The following TSPAN9 variants were observed in gnomAD, a reference collection of about 807,000 sequenced individuals.
TSPAN9 encodes tetraspanin 9, also known as tetraspanin-9.
In TSPAN9, 16 loss-of-function variants were observed where a neutral mutation model predicts 31.0. The observed-to-expected ratio is 0.52, with a 90% confidence interval of 0.35 to 0.78. The LOEUF is 0.78. TSPAN9 is among the 30% of genes least tolerant of loss of function. TSPAN9 has a pLI of 0.01. For synonymous variants in TSPAN9, 145 were observed against 121.6 expected (o/e 1.19, Z -1.27); for missense variants, 272 against 312.5 (o/e 0.87, Z 0.98).
intron 2 of TSPAN9, among the ~76,000 whole-genome samples, chr12:3,086,054 A>G (rs1219839133): frequency 6.6e-6 from 1 of 152,204 alleles, no homozygotes; most frequent in Non-Finnish European, 1.5e-5. Context: ...GGCAGTGAGG[A>G]GTAAGCCTCC....
chr12:3,280,690 G>C lies in TSPAN9; in HGVS notation c.432+207G>C, dbSNP rs1462386585. ...CAGCCAGGGAGGGATGAGGATACAG[G>C]AGGGGCAGGCCTGAGAGAGCTGTGG... On this transcript the variant is annotated intron_variant, in intron 6 of 8. Transcript: ENST00000011898. The surrounding 1 kb of genome is among the most constrained non-coding windows in gnomAD (Gnocchi z 4.5). Among the ~76,000 whole-genome samples, 2 of 152,216 alleles carry C rather than the reference G, an allele frequency of 1.3e-5. No individual in the cohort carries two copies. Among genetic ancestry groups the C allele is most frequent in the Admixed American group, 6.5e-5 (1 of 15,284 alleles).
At chr12:3,216,033 C>G (rs1315280361) in intron 3 of TSPAN9, among the ~76,000 whole-genome samples, 2 of 152,226 alleles carry the variant, frequency 1.3e-5, no homozygotes, top group Non-Finnish European at 2.9e-5. Flanking sequence ...GATCCATTAT[C>G]CCTGGTCGCC....
chr12:3,080,374 C>T (rs1431661487), intron 1 of TSPAN9, among the ~76,000 whole-genome samples: 3 of 151,952 alleles, frequency 2.0e-5, no homozygotes, highest in Admixed American at 6.6e-5. Flanking sequence ...CTCACTCTGT[C>T]GCCCAGGCTG....
intron 2 of TSPAN9, among the ~76,000 whole-genome samples, chr12:3,153,058 T>C (rs1451054026): frequency 2.0e-5 from 3 of 152,090 alleles, no homozygotes; most frequent in South Asian, 4.1e-4. Flanking sequence ...CGCCTGCGCG[T>C]GTGTGGGGTG....
chr12:3,110,935 C>T (rs995065797), intron 2 of TSPAN9, among the ~76,000 whole-genome samples: 5 of 152,160 alleles, frequency 3.3e-5, no homozygotes, highest in Non-Finnish European at 5.9e-5. Flanking sequence ...AATAAAAAAG[C>T]ATCCAGTTTA....
At chr12:3,240,669 T>A (rs2098396119) in intron 3 of TSPAN9, among the ~76,000 whole-genome samples, 1 of 152,196 alleles carries the variant, frequency 6.6e-6, no homozygotes, top group South Asian at 2.1e-4. Context: ...CCCAGGGCTG[T>A]CTGGCTTCAA....
chr12:3,222,705 G>T (rs2098385174), intron 3 of TSPAN9, among the ~76,000 whole-genome samples: 4 of 152,202 alleles, frequency 2.6e-5, no homozygotes, highest in African/African-American at 9.7e-5. Flanking sequence ...CCTTTCTGCA[G>T]TGGTCCTCAA....
intron 3 of TSPAN9, among the ~76,000 whole-genome samples, chr12:3,203,069 C>T (rs1282510594): frequency 6.6e-6 from 1 of 152,118 alleles, no homozygotes; most frequent in Admixed American, 6.5e-5. Context: ...TGTTTTGTCC[C>T]ACCCTGCCTA....
intron 2 of TSPAN9, among the ~76,000 whole-genome samples, chr12:3,139,891 C>T (rs1476802): frequency 0.82 from 125,294 of 152,172 alleles, 51,710 homozygotes; most frequent in East Asian, 0.92. Context: ...ACTCTCTAGC[C>T]CCTGCAGCTG....
At chr12:3,213,891 G>A (rs1443808699) in intron 3 of TSPAN9, among the ~76,000 whole-genome samples, 1 of 152,212 alleles carries the variant, frequency 6.6e-6, no homozygotes, top group East Asian at 1.9e-4. Flanking sequence ...ATCCTGGGGT[G>A]CCTGGCCATG....
At chr12:3,161,981 G>A (rs895313649) in intron 2 of TSPAN9, among the ~76,000 whole-genome samples, 3 of 152,096 alleles carry the variant, frequency 2.0e-5, no homozygotes, top group Middle Eastern at 3.2e-3. Context: ...GTGCCTGCCT[G>A]GCCTCCTCAG....
chr12:3,252,068 G>GTA (rs1286758889), intron 3 of TSPAN9, among the ~76,000 whole-genome samples: 1 of 152,098 alleles, frequency 6.6e-6, no homozygotes, highest in African/African-American at 2.4e-5. Flanking sequence ...TCTAGCACCT[G>GTA]GTCCCTGTTC....
At chr12:3,139,174 G>T (rs1484842966) in intron 2 of TSPAN9, among the ~76,000 whole-genome samples, 1 of 152,158 alleles carries the variant, frequency 6.6e-6, no homozygotes, top group Non-Finnish European at 1.5e-5. Context: ...TGCTTTTGGT[G>T]GGGGGCGGTG....
intron 3 of TSPAN9, among the ~76,000 whole-genome samples, chr12:3,264,290 C>T (rs1464575390): frequency 6.6e-6 from 1 of 152,164 alleles, no homozygotes; most frequent in East Asian, 1.9e-4. Flanking sequence ...TTTGGATTTG[C>T]CTCGGCCCCT....
intron 3 of TSPAN9, among the ~76,000 whole-genome samples, chr12:3,261,974 G>T (rs1862458266): frequency 6.6e-6 from 1 of 152,254 alleles, no homozygotes; most frequent in African/African-American, 2.4e-5. Context: ...GAGTCTGCAG[G>T]ATTACATCGT....
Position 3,226,738 on chromosome 12 carries a change from GTGTGTGTATATATATATA to G in TSPAN9, c.63+25484_63+25501del, listed in dbSNP as rs2098387630. 4.2e-3 allele frequency among the ~76,000 whole-genome samples: 45 copies of G among 10,592 alleles called. 6 individuals carry two copies. The highest frequency in any genetic ancestry group is 9.3e-3 in the South Asian group (1 of 108). 6.9% of individuals were successfully genotyped at this position (10,592 alleles called of 152,430 possible). ...TATGTATGTGTGTGTGTGTGTGTGT[GTGTGTGTATATATATATA>G]TATATATATATATATATATATATAT... is the stretch of plus-strand genomic sequence containing the variant. On this transcript the variant is annotated intron_variant, in intron 3 of 8. Transcript: ENST00000011898.
chr12:3,281,444 G>C, intron 7 of TSPAN9, 115 bp downstream of exon 7: 1 of 1,413,906 alleles, frequency 7.1e-7, no homozygotes, highest in East Asian at 2.5e-5. Context: ...TGAATGTGGC[G>C]GTGGGGGGCT....
chr12:3,267,554 C>G (rs1591715216), intron 3 of TSPAN9, among the ~76,000 whole-genome samples: 1 of 152,316 alleles, frequency 6.6e-6, no homozygotes, highest in East Asian at 1.9e-4. Context: ...GTTTCTTAAG[C>G]CCATCTTGCC....
chr12:3,128,501 A>G (rs2098328331), intron 2 of TSPAN9, among the ~76,000 whole-genome samples: 1 of 152,116 alleles, frequency 6.6e-6, no homozygotes, highest in African/African-American at 2.4e-5. Context: ...AGGCAGGAGG[A>G]TTGCTTGAGC....
Sources: allele counts gnomAD v4.1 joint callset (sites outside exome capture counted in the v4.1 genomes callset), GRCh38; gene constraint gnomAD v4.1.1; non-coding constraint Gnocchi (gnomAD v3.1); transcripts MANE v1.5; gene names NCBI Gene and HGNC (gene_info 2026-07-23, HGNC 2026-07-21).